The following NKAIN2 variants were observed in gnomAD, a reference collection of about 807,000 sequenced individuals.
NKAIN2 encodes sodium/potassium-transporting ATPase subunit beta-1-interacting protein 2.
A neutral mutation model predicts 32.6 loss-of-function variants in NKAIN2; 14 were observed. The ratio of observed to expected loss-of-function variants is 0.43; its 90% CI spans 0.28 to 0.67. NKAIN2 has a LOEUF of 0.67. NKAIN2 is among the 30% of genes least tolerant of loss of function. The pLI, the probability that NKAIN2 is intolerant of heterozygous loss-of-function variation, is 0.17. For synonymous variants in NKAIN2, 80 were observed against 87.2 expected (o/e 0.92, Z 0.46); for missense variants, 198 against 258.3 (o/e 0.77, Z 1.60).
intron 4 of NKAIN2, among the ~76,000 whole-genome samples, chr6:124,709,881 T>A (rs1299822244): frequency 1.9e-4 from 29 of 152,062 alleles, no homozygotes; most frequent in Non-Finnish European, 3.7e-4. Context: ...AGCTTTTGAA[T>A]GTGTTTGCTC....
intron 1 of NKAIN2, among the ~76,000 whole-genome samples, chr6:123,840,551 T>A (rs1774827345): frequency 6.6e-6 from 1 of 152,272 alleles, no homozygotes; most frequent in African/African-American, 2.4e-5. Flanking sequence ...TATATTTTTA[T>A]GATTTTAAGT....
intron 1 of NKAIN2, among the ~76,000 whole-genome samples, chr6:124,147,436 A>G (rs1435515304): frequency 6.6e-6 from 1 of 152,182 alleles, no homozygotes; most frequent in African/African-American, 2.4e-5. Flanking sequence ...AGAAAAAAAA[A>G]TCCACACAGA....
intron 1 of NKAIN2, among the ~76,000 whole-genome samples, chr6:123,888,001 T>C (rs1251892678): frequency 6.6e-6 from 1 of 152,154 alleles, no homozygotes; most frequent in Non-Finnish European, 1.5e-5. Flanking sequence ...GTATTGGTAA[T>C]TGTGAAGATT....
At chr6:124,510,986 T>C (rs985938764) in intron 3 of NKAIN2, among the ~76,000 whole-genome samples, 11 of 152,176 alleles carry the variant, frequency 7.2e-5, no homozygotes, top group African/African-American at 2.7e-4. Context: ...ATACACATAG[T>C]GTGTTATTGG....
At chr6:124,765,869 T>G (rs1778491987) in intron 4 of NKAIN2, among the ~76,000 whole-genome samples, 1 of 152,240 alleles carries the variant, frequency 6.6e-6, no homozygotes, top group Admixed American at 6.5e-5. Context: ...TCATAGGAAC[T>G]GAGAGGAGGT....
intron 3 of NKAIN2, among the ~76,000 whole-genome samples, chr6:124,445,559 T>C (rs1775854371): frequency 6.6e-6 from 1 of 152,088 alleles, no homozygotes; most frequent in Non-Finnish European, 1.5e-5. Context: ...TGATCAATTT[T>C]TTTTCCTCAC....
intron 3 of NKAIN2, among the ~76,000 whole-genome samples, 172 bp from the exon 4 acceptor site, chr6:124,658,014 T>C (rs952507003): frequency 6.6e-6 from 1 of 151,890 alleles, no homozygotes; most frequent in East Asian, 1.9e-4. Context: ...AATCCATAGA[T>C]GCATAATTAA....
chr6:124,200,447 G>T (rs536961449), intron 1 of NKAIN2, among the ~76,000 whole-genome samples: 1 of 152,128 alleles, frequency 6.6e-6, no homozygotes, highest in African/African-American at 2.4e-5. Flanking sequence ...AAAGCCTCTG[G>T]ATTTTGAAGT....
intron 1 of NKAIN2, among the ~76,000 whole-genome samples, chr6:123,864,205 TAAG>T (rs1218274956): frequency 5.3e-5 from 8 of 152,212 alleles, no homozygotes; most frequent in African/African-American, 1.9e-4. Context: ...TTAAACATTG[TAAG>T]AAGTAGTTAG....
intron 4 of NKAIN2, among the ~76,000 whole-genome samples, chr6:124,750,051 C>T (rs1583789333): frequency 1.3e-5 from 2 of 151,748 alleles, no homozygotes; most frequent in African/African-American, 4.8e-5. Flanking sequence ...TTGACCTAGT[C>T]ACTCTGACAC....
At chr6:124,380,104 G>A (rs967878378) in intron 3 of NKAIN2, among the ~76,000 whole-genome samples, 1 of 152,152 alleles carries the variant, frequency 6.6e-6, no homozygotes, top group Non-Finnish European at 1.5e-5. Flanking sequence ...TGAATAGTTA[G>A]TACAAGGATC....
At chr6:124,809,860 A>G (rs1323535018) in intron 5 of NKAIN2, among the ~76,000 whole-genome samples, 5 of 152,126 alleles carry the variant, frequency 3.3e-5, no homozygotes, top group Non-Finnish European at 5.9e-5. Flanking sequence ...AGACATTTAT[A>G]CAACCAAAAA....
intron 1 of NKAIN2, among the ~76,000 whole-genome samples, chr6:124,066,912 A>G (rs927779831): frequency 1.3e-4 from 19 of 151,780 alleles, no homozygotes; most frequent in Admixed American, 1.3e-3. Context: ...AAAGCAGCAA[A>G]TACTCAAACT....
intron 4 of NKAIN2, among the ~76,000 whole-genome samples, chr6:124,744,085 TTC>T (rs1366495462): frequency 6.6e-6 from 1 of 151,942 alleles, no homozygotes. Context: ...TTTTTTTCTT[TTC>T]TGTTTTCTTT....
At chr6:124,335,705 C>T (rs1797833846) in intron 2 of NKAIN2, among the ~76,000 whole-genome samples, 1 of 151,948 alleles carries the variant, frequency 6.6e-6, no homozygotes, top group Admixed American at 6.6e-5. Context: ...TTTAAAAGTT[C>T]CTGATTTCCT....
chr6:123,832,244 T>C (rs1562206893), intron 1 of NKAIN2, among the ~76,000 whole-genome samples: 1 of 152,222 alleles, frequency 6.6e-6, no homozygotes, highest in Admixed American at 6.5e-5. Context: ...CCATTTTGGA[T>C]TGGCTTCTTT....
intron 3 of NKAIN2, among the ~76,000 whole-genome samples, chr6:124,502,675 G>A (rs1251152209): frequency 6.6e-6 from 1 of 152,146 alleles, no homozygotes; most frequent in South Asian, 2.1e-4. Context: ...TCAGATGTGA[G>A]ATAATGATCT....
intron 1 of NKAIN2, among the ~76,000 whole-genome samples, chr6:123,888,451 G>A (rs538897974): frequency 2.0e-5 from 3 of 152,212 alleles, no homozygotes; most frequent in South Asian, 4.1e-4. Context: ...TACAGAAGGA[G>A]CATAAGGGAG....
intron 2 of NKAIN2, among the ~76,000 whole-genome samples, chr6:124,292,612 C>T (rs1055798243): frequency 2.0e-5 from 3 of 151,554 alleles, no homozygotes; most frequent in African/African-American, 7.3e-5. Context: ...TCATTTTACC[C>T]AGCTCCTGTT....
Sources: allele counts gnomAD v4.1 joint callset (sites outside exome capture counted in the v4.1 genomes callset), GRCh38; gene constraint gnomAD v4.1.1; transcripts MANE v1.5; gene names NCBI Gene and HGNC (gene_info 2026-07-23, HGNC 2026-07-21).